TGFBR3: variants seen among roughly 807,000 people sequenced by gnomAD.
TGFBR3 encodes transforming growth factor beta receptor 3.
Under a neutral mutation model 87.9 loss-of-function variants are expected in TGFBR3, and 46 were observed. The observed-to-expected ratio is 0.52, with a 90% CI of 0.41 to 0.67. The LOEUF is 0.67. Among genes scored for constraint, TGFBR3 ranks in the 30% least tolerant of loss-of-function variants. The pLI is 0.00. For missense variants in TGFBR3, 866 were observed against 1,041.9 expected (o/e 0.83, Z 2.32); for synonymous variants, 381 against 391.6 (o/e 0.97, Z 0.32).
chr1:91,685,013 A>C (rs941985318), intron 16 of TGFBR3, among the ~76,000 whole-genome samples: 1 of 152,202 alleles, frequency 6.6e-6, no homozygotes, highest in Non-Finnish European at 1.5e-5. Flanking sequence ...CCTGCCCTCC[A>C]GTGCAGGAAC....
intron 8 of TGFBR3, among the ~76,000 whole-genome samples, chr1:91,721,374 C>A (rs1305947695): frequency 1.3e-5 from 2 of 152,198 alleles, no homozygotes; most frequent in Non-Finnish European, 2.9e-5. Flanking sequence ...TGAACCTGTA[C>A]TCCTAATCCT....
At chr1:91,885,849 C>A in intron 1 of TGFBR3, 29 bp downstream of exon 1, 1 of 324,246 alleles carries the variant, frequency 3.1e-6, no homozygotes, top group South Asian at 2.3e-5. Context: ...GGGCGGGCTG[C>A]AGCGCCGCGG....
rs186399767 is a variant in TGFBR3, at chr1:91,766,714, G to C, written c.247-7964C>G. ...CTTGTAACCAAGTCACATAGCACTA[G>C]ATTCTCACCATTTGCATCCCCATTG... On this transcript the variant is annotated intron_variant, in intron 3 of 16. Transcript: ENST00000212355. 2.2e-4 allele frequency among the ~76,000 whole-genome samples: 30 copies of C among 133,540 alleles called. 5 individuals are homozygous for C. The highest frequency in any genetic ancestry group is 4.3e-4 in the Non-Finnish European group (26 of 60,810). The allele number at this position is 133,540 out of a possible 152,430, so 87.6% of individuals were successfully genotyped here.
intron 2 of TGFBR3, among the ~76,000 whole-genome samples, chr1:91,831,933 T>G (rs1676868119): frequency 6.6e-6 from 1 of 152,240 alleles, no homozygotes; most frequent in Non-Finnish European, 1.5e-5. Flanking sequence ...TCCATGGAAT[T>G]TAATTAACAT....
At position 91,853,676 on chromosome 1, in the gene TGFBR3, G is replaced by A. The variant is rs181538246; in HGVS notation, c.61+7795C>T. ...CAGAGAAATAAGCCAGGCACAGAGC[G>A]ACAAATATCATATATGATCAAACTT... On this transcript the variant is annotated intron_variant, in intron 2 of 16. Coordinates refer to ENST00000212355, the MANE Select transcript of TGFBR3 (RefSeq NM_003243.5). Among the ~76,000 whole-genome samples, 269 of 152,274 alleles carry A rather than the reference G, an allele frequency of 1.8e-3. 2 individuals carry two copies. The highest frequency in any genetic ancestry group is 2.5e-3 in the Non-Finnish European group (168 of 68,030).
chr1:91,811,818 C>T (rs1488633900), intron 2 of TGFBR3, among the ~76,000 whole-genome samples: 3 of 151,766 alleles, frequency 2.0e-5, no homozygotes, highest in Non-Finnish European at 2.9e-5. Context: ...TACTGTAAAA[C>T]ATACATCTGT....
rs1429061587 is a variant in TGFBR3, at chr1:91,722,064, T to G, written c.966A>C (p.Ser322=). 1 of 1,613,952 alleles carries G rather than the reference T, an allele frequency of 6.2e-7. No homozygotes were observed. The highest frequency in any genetic ancestry group is 1.7e-5 in the Admixed American group (1 of 60,008). Residue 322 remains serine (S), a synonymous_variant, in exon 8 of 17, where the codon TCA becomes TCC. Transcript: ENST00000212355. The stretch of plus-strand genomic sequence containing the variant: ...CCCACTTCACCAGATTCCCTTGGGT[T>G]GAAGGAATGTCATCTCTTATTGATT... The part of the protein sequence containing the change: ...MTKSIRDDIP[S]TQGNLVKWAL...
At chr1:91,814,082 T>C (rs570368543) in intron 2 of TGFBR3, among the ~76,000 whole-genome samples, 1 of 152,352 alleles carries the variant, frequency 6.6e-6, no homozygotes, top group South Asian at 2.1e-4. Context: ...ACCCCTGCTC[T>C]ATGGTACAAT....
chr1:91,716,541 A>G, intron 11 of TGFBR3, 27 bp downstream of exon 11: 1 of 1,614,090 alleles, frequency 6.2e-7, no homozygotes, highest in Non-Finnish European at 8.5e-7. Flanking sequence ...ATTTTCCACA[A>G]ACCCCCTACT....
chr1:91,875,264 G>T (rs1002816632), intron 1 of TGFBR3, among the ~76,000 whole-genome samples: 1 of 152,160 alleles, frequency 6.6e-6, no homozygotes, highest in Non-Finnish European at 1.5e-5. Context: ...AGCAGTGAGA[G>T]CCTGGAAGAG....
chr1:91,903,166 C>T (rs956043429), intron 1 of TGFBR3, among the ~76,000 whole-genome samples: 7 of 151,484 alleles, frequency 4.6e-5, no homozygotes, highest in South Asian at 2.1e-4. Context: ...TGGCGAAACC[C>T]TGTCTCTACT....
chr1:91,765,427 C>G (rs1292746881), intron 3 of TGFBR3, among the ~76,000 whole-genome samples: 2 of 151,890 alleles, frequency 1.3e-5, no homozygotes, highest in Admixed American at 1.3e-4. Flanking sequence ...ATATAGTAAA[C>G]AGAACATTAA....
At chr1:91,893,928 A>AC (rs1460113846) in intron 2 of TGFBR3, among the ~76,000 whole-genome samples, 3 of 151,380 alleles carry the variant, frequency 2.0e-5, no homozygotes, top group Non-Finnish European at 4.4e-5. Flanking sequence ...CTTCCTTAAA[A>AC]AAAAAAAAAA....
chr1:91,860,934 CAAAAAAAAAAAAAAAA>C (rs3039477), intron 2 of TGFBR3, among the ~76,000 whole-genome samples: 1 of 35,636 alleles, frequency 2.8e-5, no homozygotes. Context: ...TCTGTCTCCA[CAAAAAAAAAAAAAAAA>C]AAAAAAAAAA....
chr1:91,833,163 G>A (rs1449606915), intron 2 of TGFBR3, among the ~76,000 whole-genome samples: 2 of 151,684 alleles, frequency 1.3e-5, no homozygotes, highest in Non-Finnish European at 2.9e-5. Flanking sequence ...AGTCTTGGTG[G>A]CGGGAGCCTG....
chr1:91,876,659 A>C (rs1678825376), intron 1 of TGFBR3, among the ~76,000 whole-genome samples: 1 of 152,186 alleles, frequency 6.6e-6, no homozygotes, highest in South Asian at 2.1e-4. Context: ...GCTTTACCAA[A>C]AACACAAGCT....
chr1:91,875,194 A>G (rs1481324128), intron 1 of TGFBR3, among the ~76,000 whole-genome samples: 1 of 152,162 alleles, frequency 6.6e-6, no homozygotes, highest in Non-Finnish European at 1.5e-5. Context: ...CATTCTCACG[A>G]GGCAGCAAGA....
chr1:91,794,879 T>C (rs1357464494), intron 3 of TGFBR3, among the ~76,000 whole-genome samples: 3 of 152,256 alleles, frequency 2.0e-5, no homozygotes, highest in Non-Finnish European at 4.4e-5. Context: ...TGTTTTCACT[T>C]CTCTCGGGTA....
chr1:91,685,269 G>C (rs1024057271), intron 16 of TGFBR3, among the ~76,000 whole-genome samples: 4 of 150,854 alleles, frequency 2.7e-5, no homozygotes, highest in Admixed American at 2.6e-4. Context: ...TGGCGGGATG[G>C]ATAGGGGACT....
Sources: allele counts gnomAD v4.1 joint callset (sites outside exome capture counted in the v4.1 genomes callset), GRCh38; gene constraint gnomAD v4.1.1; transcripts MANE v1.5; gene names NCBI Gene and HGNC (gene_info 2026-07-23, HGNC 2026-07-21).